Variants in ANXA8 observed in about 807,000 individuals in gnomAD.
The protein encoded by ANXA8 is VAC-beta.
ANXA8 carries 9 observed loss-of-function variants against 26.8 expected under a neutral mutation model. The ratio of observed to expected loss-of-function variants is 0.34; its 90% CI spans 0.20 to 0.59. The LOEUF (loss-of-function observed/expected upper bound fraction) is 0.59. Ranked by LOEUF, ANXA8 falls within the 20% of genes least tolerant of loss-of-function variation. The probability of loss-of-function intolerance (pLI) is 0.84; values close to 1 mark genes in which losing one functional copy is unlikely to be tolerated. For synonymous variants in ANXA8, 39 were observed against 94.8 expected, an observed-to-expected ratio of 0.41 and a Z score of 3.42; for missense variants, 83 against 238.5, an observed-to-expected ratio of 0.35 and a Z score of 4.29.
At chr10:47,581,966 A>T in the ANXA8 span, among the ~76,000 whole-genome samples, 3 of 150,094 alleles carry the variant, frequency 2.0e-5, no homozygotes, top group East Asian at 1.9e-4. Flanking sequence ...TCAGACAGAG[A>T]TGTAAGAGTA....
At chr10:47,502,260 G>A in the ANXA8 span, 60 of 1,596,314 alleles carry the variant, frequency 3.8e-5, 3 homozygotes, top group African/African-American at 1.7e-4. Context: ...CCGTGCAGCC[G>A]TCTCCCTCCC....
chr10:47,969,182 C>A, the ANXA8 span, among the ~76,000 whole-genome samples: 1 of 151,266 alleles, frequency 6.6e-6, no homozygotes, highest in African/African-American at 2.4e-5. Context: ...GCTGGTCCTG[C>A]TCACTGAAGC....
chr10:47,707,071 T>G, the ANXA8 span, among the ~76,000 whole-genome samples: 15 of 143,800 alleles, frequency 1.0e-4, no homozygotes, highest in Middle Eastern at 3.5e-3. Flanking sequence ...ATCAAAATGA[T>G]GCATATTGTT....
At chr10:47,720,911 C>T in the ANXA8 span, among the ~76,000 whole-genome samples, 2 of 139,530 alleles carry the variant, frequency 1.4e-5, 1 homozygote, top group Admixed American at 1.5e-4. Context: ...CTTTGGGAGG[C>T]CGTGGTGGGG....
the ANXA8 span, among the ~76,000 whole-genome samples, chr10:47,764,006 C>T: frequency 5.3e-5 from 8 of 152,056 alleles, no homozygotes; most frequent in South Asian, 1.5e-3. Flanking sequence ...TGGGGTGCCC[C>T]ACTGGGCCGG....
chr10:47,944,929 G>A, the ANXA8 span, among the ~76,000 whole-genome samples: 4 of 144,724 alleles, frequency 2.8e-5, no homozygotes, highest in African/African-American at 5.2e-5. Context: ...GCCCCATCTC[G>A]CTTCATGTGA....
At chr10:47,953,126 A>T in the ANXA8 span, among the ~76,000 whole-genome samples, 2 of 150,336 alleles carry the variant, frequency 1.3e-5, no homozygotes, top group East Asian at 2.1e-4. Context: ...TGAAATTAAA[A>T]GTTTTTGGTC....
chr10:47,683,882 G>T, the ANXA8 span, among the ~76,000 whole-genome samples: 347 of 151,428 alleles, frequency 2.3e-3, 8 homozygotes, highest in East Asian at 0.031. Context: ...TCACTCCCTG[G>T]TAATAAGAGG....
chr10:47,593,161 A>G, the ANXA8 span, among the ~76,000 whole-genome samples: 20 of 144,850 alleles, frequency 1.4e-4, no homozygotes, highest in African/African-American at 4.8e-4. Context: ...GACATACCCT[A>G]AAACCTGCTC....
chr10:47,487,142 G>A, upstream of ANXA8: 1 of 1,363,692 alleles, frequency 7.3e-7, no homozygotes, highest in Middle Eastern at 2.6e-4. Context: ...CCATAAATAT[G>A]TAAAATATGT....
At chr10:47,954,329 G>A in the ANXA8 span, among the ~76,000 whole-genome samples, 2 of 151,030 alleles carry the variant, frequency 1.3e-5, no homozygotes, top group Admixed American at 6.6e-5. Context: ...TCATTTGTGG[G>A]AGCTAAAAAT....
At chr10:47,946,105 A>G in the ANXA8 span, among the ~76,000 whole-genome samples, 1 of 148,588 alleles carries the variant, frequency 6.7e-6, no homozygotes, top group Non-Finnish European at 1.5e-5. Context: ...GAATGCCTAC[A>G]CTCTGCTCTG....
the ANXA8 span, among the ~76,000 whole-genome samples, chr10:47,644,652 T>A: frequency 6.6e-6 from 1 of 151,878 alleles, no homozygotes; most frequent in Non-Finnish European, 1.5e-5. Context: ...TTGTTAAATA[T>A]GTAATATTTA....
At chr10:47,948,641 CATACTT>C in the ANXA8 span, among the ~76,000 whole-genome samples, 4 of 149,128 alleles carry the variant, frequency 2.7e-5, no homozygotes, top group African/African-American at 1.0e-4. Flanking sequence ...ATATGGATCA[CATACTT>C]GTAATTGGAA....
chr10:47,690,017 C>T, the ANXA8 span: 1 of 1,442,454 alleles, frequency 6.9e-7, no homozygotes, highest in Non-Finnish European at 9.6e-7. Flanking sequence ...AATATAGAAT[C>T]CCAGAAGATT....
the ANXA8 span, among the ~76,000 whole-genome samples, chr10:47,951,251 T>C: frequency 6.5e-4 from 98 of 150,502 alleles, no homozygotes; most frequent in South Asian, 1.3e-3. Flanking sequence ...AAAAAATAGA[T>C]AATCTGAATA....
the ANXA8 span, among the ~76,000 whole-genome samples, chr10:47,756,526 G>A: frequency 1.5e-5 from 2 of 136,948 alleles, no homozygotes; most frequent in Non-Finnish European, 3.1e-5. Flanking sequence ...CCTGTTGGGG[G>A]GCTGCTCACT....
chr10:47,976,710 T>C, the ANXA8 span, among the ~76,000 whole-genome samples: 1 of 149,364 alleles, frequency 6.7e-6, no homozygotes, highest in South Asian at 2.2e-4. Context: ...GACAGCTCCC[T>C]GGAAAAGGCA....
the ANXA8 span, among the ~76,000 whole-genome samples, chr10:47,649,569 C>T: frequency 2.3e-4 from 35 of 151,436 alleles, no homozygotes; most frequent in African/African-American, 6.6e-4. Context: ...CCACCACGCC[C>T]GGCTAATTTT....
Sources: gnomAD v4.1 joint callset for allele counts (sites outside exome capture counted in the v4.1 genomes callset) on GRCh38, gnomAD v4.1.1 for gene constraint, MANE v1.5 for transcripts, NCBI Gene and HGNC (gene_info 2026-07-23, HGNC 2026-07-21) for gene names.